IFRD1: variants seen among roughly 807,000 people sequenced by gnomAD.
IFRD1 encodes the protein interferon-related developmental regulator 1.
A neutral mutation model predicts 52.9 loss-of-function variants in IFRD1; 35 were observed. That is an observed-to-expected ratio of 0.66 (90% CI 0.51 to 0.88). IFRD1 has a LOEUF of 0.88. IFRD1 is among the 40% of genes least tolerant of loss of function. The probability of loss-of-function intolerance (pLI) is 0.00; values close to 1 mark genes in which losing one functional copy is unlikely to be tolerated. For missense variants in IFRD1, 517 were observed against 550.8 expected (o/e 0.94, Z 0.61); for synonymous variants, 184 against 188.4 (o/e 0.98, Z 0.19).
chr7:112,444,065 ACTTACGC>A lies in IFRD1; in HGVS notation c.-181-6442_-181-6436del, dbSNP rs549060002. On this transcript the variant is annotated intron_variant, in intron 1 of 12. Coordinates refer to the IFRD1 transcript ENST00000005558. ...TATGTTCAACAAAAAGATAATTCCT[ACTTACGC>A]TGTTGCCATAAAAAGTTCTTCCAAC... Among the ~76,000 whole-genome samples the A allele has an allele frequency of 8.5e-5, 13 of 152,338 alleles. No individual in the cohort carries two copies. The East Asian group carries it at 2.3e-3, about 27-fold the overall frequency.
chr7:112,439,195 G>A (rs938572865), intron 1 of IFRD1, among the ~76,000 whole-genome samples: 6 of 152,192 alleles, frequency 3.9e-5, no homozygotes, highest in Admixed American at 2.0e-4. Flanking sequence ...CTGTGGAGGC[G>A]GAATGAAGTG....
At chr7:112,473,028 GC>G (rs370820686) in intron 11 of IFRD1, among the ~76,000 whole-genome samples, 167 bp downstream of exon 11, 9 of 112,088 alleles carry the variant, frequency 8.0e-5, no homozygotes, top group South Asian at 6.5e-4. Flanking sequence ...AGTGTGGGGG[GC>G]GTGTGTGTGT....
chr7:112,443,262 A>C (rs1270884403), intron 1 of IFRD1, among the ~76,000 whole-genome samples: 1 of 152,200 alleles, frequency 6.6e-6, no homozygotes, highest in Non-Finnish European at 1.5e-5. Flanking sequence ...CCGTAAGATT[A>C]GTACTACCAC....
At chr7:112,439,402 A>G (rs115838719) in intron 1 of IFRD1, among the ~76,000 whole-genome samples, 138 of 152,376 alleles carry the variant, frequency 9.1e-4, no homozygotes, top group African/African-American at 3.3e-3. Flanking sequence ...TTTTAAAGAG[A>G]TTGTTAGATG....
intron 1 of IFRD1, among the ~76,000 whole-genome samples, chr7:112,426,857 C>T (rs544989396): frequency 2.8e-4 from 43 of 152,340 alleles, no homozygotes; most frequent in Admixed American, 1.2e-3. Context: ...AATAACTCTT[C>T]CAACCAAATG....
chr7:112,443,713 C>A (rs1205049272), intron 1 of IFRD1, among the ~76,000 whole-genome samples: 1 of 151,930 alleles, frequency 6.6e-6, no homozygotes, highest in Admixed American at 6.6e-5. Context: ...ACTAAAAATA[C>A]ATAAATTAGC....
intron 11 of IFRD1, among the ~76,000 whole-genome samples, chr7:112,473,995 T>C (rs1323262165): frequency 2.0e-5 from 3 of 152,232 alleles, no homozygotes; most frequent in Non-Finnish European, 4.4e-5. Context: ...TTATATAGCA[T>C]GCAACCTTTT....
intron 1 of IFRD1, among the ~76,000 whole-genome samples, chr7:112,431,231 G>A (rs1036986447): frequency 5.9e-5 from 9 of 152,108 alleles, no homozygotes; most frequent in East Asian, 1.9e-4. Context: ...ATTATTATAC[G>A]AAGACATATA....
At chr7:112,466,563 A>G (rs1795614564) in intron 8 of IFRD1, among the ~76,000 whole-genome samples, 1 of 152,182 alleles carries the variant, frequency 6.6e-6, no homozygotes, top group Admixed American at 6.5e-5. Flanking sequence ...TGTGACAACC[A>G]AAAATGTCTC....
intron 9 of IFRD1, among the ~76,000 whole-genome samples, chr7:112,469,279 C>A (rs747716369): frequency 6.6e-6 from 1 of 152,108 alleles, no homozygotes; most frequent in Admixed American, 6.5e-5. Flanking sequence ...CTTATATATA[C>A]CCTACTTTCC....
rs188805531 is a variant in IFRD1 at position 112,436,032 on chromosome 7, G to A, written c.-182+12600G>A. On this transcript the variant is annotated intron_variant, in intron 1 of 12. Transcript: ENST00000005558. ...CAAGTAGCTGGGATTACAGGCGTGCGCCACCATGTCTGGCTAATTTTTGTA... is the reference window on the plus strand; with the variant it reads ...CAAGTAGCTGGGATTACAGGCGTGCACCACCATGTCTGGCTAATTTTTGTA... Among the ~76,000 whole-genome samples, 940 of 151,878 alleles carry A rather than the reference G, an allele frequency of 6.2e-3. 10 individuals carry two copies. The highest frequency in any genetic ancestry group is 0.021 in the African/African-American group (884 of 41,402).
chr7:112,456,857 GTTAT>G (rs1795304941), intron 3 of IFRD1, 53 bp from the exon 4 acceptor site: 5 of 1,558,100 alleles, frequency 3.2e-6, no homozygotes, highest in Admixed American at 1.7e-5. Flanking sequence ...ATTTTAAAAA[GTTAT>G]TTATTGTATA....
intron 1 of IFRD1, among the ~76,000 whole-genome samples, chr7:112,455,557 T>C (rs758737855): frequency 6.6e-5 from 10 of 152,198 alleles, no homozygotes; most frequent in Non-Finnish European, 1.2e-4. Context: ...ATAGTTGATG[T>C]ATCATTGGTC....
intron 8 of IFRD1, among the ~76,000 whole-genome samples, chr7:112,466,912 T>C (rs1795623094): frequency 6.6e-6 from 1 of 152,158 alleles, no homozygotes; most frequent in Non-Finnish European, 1.5e-5. Context: ...AATACCCACT[T>C]TGCATCTTAT....
At chr7:112,461,959 T>C (rs780217341) in intron 6 of IFRD1, 42 bp from the exon 7 acceptor site, 29 of 1,602,542 alleles carry the variant, frequency 1.8e-5, no homozygotes, top group Non-Finnish European at 2.5e-5. Context: ...CAGTTATTTC[T>C]AATTTAAGAT....
chr7:112,467,823 CAT>C (rs373229675), intron 8 of IFRD1, 156 bp from the exon 9 acceptor site: 198 of 706,852 alleles, frequency 2.8e-4, no homozygotes, highest in African/African-American at 2.2e-3. Flanking sequence ...TGCATGAAAA[CAT>C]GTGTTTATGT....
At chr7:112,447,982 C>T (rs534348393), upstream of IFRD1, among the ~76,000 whole-genome samples, 73 of 151,798 alleles carry the variant, frequency 4.8e-4, no homozygotes, top group African/African-American at 1.7e-3. Flanking sequence ...TTCCTTGATC[C>T]AGAAAAATCT....
chr7:112,450,885 AT>A, intron 1 of IFRD1, 103 bp downstream of exon 1: 3 of 815,350 alleles, frequency 3.7e-6, no homozygotes, highest in Non-Finnish European at 6.3e-6. Context: ...TGATGTACAC[AT>A]TTGCATTTCC....
At chr7:112,450,401 C>CACAGAGTG, upstream of IFRD1, 1 of 475,906 alleles carries the variant, frequency 2.1e-6, no homozygotes, top group East Asian at 4.1e-5. Flanking sequence ...AAGCCCCGCC[C>CACAGAGTG]ACAGAGTGAC....
Sources: allele counts gnomAD v4.1 joint callset (sites outside exome capture counted in the v4.1 genomes callset), GRCh38; gene constraint gnomAD v4.1.1; transcripts MANE v1.5; gene names NCBI Gene and HGNC (gene_info 2026-07-23, HGNC 2026-07-21).